WWP1: variants seen among roughly 807,000 people sequenced by gnomAD.
WWP1 encodes the protein WW domain containing E3 ubiquitin protein ligase 1.
In WWP1, 49 loss-of-function variants were observed where a neutral mutation model predicts 130.6. The observed-to-expected ratio is 0.38, with a 90% confidence interval of 0.30 to 0.48. WWP1 has a LOEUF of 0.48. Among genes scored for constraint, WWP1 ranks in the 20% least tolerant of loss-of-function variants. The probability of loss-of-function intolerance (pLI) is 0.99; values close to 1 mark genes in which losing one functional copy is unlikely to be tolerated. For synonymous variants in WWP1, 332 were observed against 367.8 expected, an observed-to-expected ratio of 0.90 and a Z score of 1.11; for missense variants, 809 against 1,100.6, an observed-to-expected ratio of 0.74 and a Z score of 3.75.
chr8:86,432,031 C>T (rs1333496291), intron 14 of WWP1, among the ~76,000 whole-genome samples: 1 of 151,970 alleles, frequency 6.6e-6, no homozygotes, highest in Non-Finnish European at 1.5e-5. Flanking sequence ...ATTATTTTTC[C>T]CTTTACCAAG....
intron 1 of WWP1, among the ~76,000 whole-genome samples, chr8:86,355,114 CA>C (rs1823180510): frequency 6.6e-6 from 1 of 152,160 alleles, no homozygotes; most frequent in Admixed American, 6.5e-5. Context: ...GTGCTCTTCT[CA>C]AACTTAAAAT....
At position 86,435,672 on chromosome 8, in the gene WWP1, C is replaced by T; in HGVS notation, c.1717C>T (p.Arg573Trp). The part of the protein sequence containing the change: ...LPSHVKINVS[R>W]QTLFEDSFQQ... ...TAGTCATGTAAAGATCAATGTGTCC[C>T]GGCAGACATTGTTTGAAGATTCCTT... The change falls in exon 16 of 25, where the codon CGG (arginine) becomes TGG (tryptophan). Residue 573 changes from arginine to tryptophan, a missense_variant. Transcript: ENST00000517970. 1 of 1,612,120 alleles carries T rather than the reference C, an allele frequency of 6.2e-7. No homozygotes were observed. Among genetic ancestry groups the T allele is most frequent in the Non-Finnish European group, 8.5e-7 (1 of 1,179,686 alleles).
chr8:86,392,370 C>G (rs556924089), intron 5 of WWP1, among the ~76,000 whole-genome samples: 2 of 152,042 alleles, frequency 1.3e-5, no homozygotes, highest in Non-Finnish European at 1.5e-5. Context: ...AATTTTGAGG[C>G]GGAGAGAACC....
At chr8:86,433,910 C>T (rs1810137121) in intron 14 of WWP1, among the ~76,000 whole-genome samples, 1 of 151,798 alleles carries the variant, frequency 6.6e-6, no homozygotes, top group Non-Finnish European at 1.5e-5. Flanking sequence ...AAGAGCGAAA[C>T]TCCATCTTAG....
At chr8:86,412,103 G>A (rs1196101641) in intron 9 of WWP1, among the ~76,000 whole-genome samples, 1 of 152,150 alleles carries the variant, frequency 6.6e-6, no homozygotes, top group East Asian at 1.9e-4. Context: ...GAAAAAACCT[G>A]ATGTTAATTA....
chr8:86,352,720 A>T (rs1586237506), intron 1 of WWP1, among the ~76,000 whole-genome samples: 2 of 152,160 alleles, frequency 1.3e-5, no homozygotes, highest in South Asian at 2.1e-4. Flanking sequence ...AGAGAGCTTA[A>T]CATCTGAACC....
rs796400668 is a variant in WWP1 at position 86,402,974 on chromosome 8, G to T, written c.724+771G>T. On this transcript the variant is annotated intron_variant, in intron 8 of 24. Transcript: ENST00000517970. ...CTCTCAGAAAGTTTATTTTCCAAAAGTAAGCATTACTGTATTATAGAAGGA... is the reference window on the plus strand; with the variant it reads ...CTCTCAGAAAGTTTATTTTCCAAAATTAAGCATTACTGTATTATAGAAGGA... 5.9e-5 allele frequency among the ~76,000 whole-genome samples: 9 copies of T among 152,286 alleles called. No homozygotes were observed. The South Asian group carries it at 8.3e-4, about 14-fold the overall frequency.
intron 5 of WWP1, among the ~76,000 whole-genome samples, chr8:86,384,282 G>C (rs1165971448): frequency 6.6e-6 from 1 of 151,950 alleles, no homozygotes; most frequent in African/African-American, 2.4e-5. Flanking sequence ...CCAAACAAAA[G>C]GTAAATAAAT....
chr8:86,387,436 C>A (rs1008699080), intron 5 of WWP1, among the ~76,000 whole-genome samples: 9 of 151,998 alleles, frequency 5.9e-5, no homozygotes, highest in African/African-American at 1.9e-4. Context: ...AAAATATATT[C>A]TTTTATAATC....
intron 1 of WWP1, among the ~76,000 whole-genome samples, chr8:86,350,414 T>G (rs1423139988): frequency 6.6e-6 from 1 of 152,158 alleles, no homozygotes; most frequent in Non-Finnish European, 1.5e-5. Flanking sequence ...AGGTTATTAG[T>G]GCATAGCTGC....
At chr8:86,452,817 G>A (rs913107359) in intron 21 of WWP1, 138 bp downstream of exon 21, 3 of 1,113,780 alleles carry the variant, frequency 2.7e-6, no homozygotes, top group Non-Finnish European at 2.6e-6. Flanking sequence ...CTGATGTCAA[G>A]GTGGTATTTA....
At chr8:86,407,621 C>G (rs1418308215) in intron 8 of WWP1, among the ~76,000 whole-genome samples, 1 of 152,174 alleles carries the variant, frequency 6.6e-6, no homozygotes, top group Non-Finnish European at 1.5e-5. Flanking sequence ...GTAATCTCTC[C>G]AGTCAAATAT....
chr8:86,365,787 C>G (rs572281464), intron 1 of WWP1, among the ~76,000 whole-genome samples: 4 of 152,074 alleles, frequency 2.6e-5, no homozygotes, highest in Non-Finnish European at 5.9e-5. Context: ...AATAGTGAGA[C>G]CCTGTCTCTA....
chr8:86,377,361 G>T (rs1049841902), intron 3 of WWP1, among the ~76,000 whole-genome samples: 1 of 151,740 alleles, frequency 6.6e-6, no homozygotes, highest in East Asian at 1.9e-4. Flanking sequence ...GCCTCCCAGA[G>T]TGCTGGGATT....
At chr8:86,371,447 C>T (rs1303036169) in intron 2 of WWP1, among the ~76,000 whole-genome samples, 3 of 152,142 alleles carry the variant, frequency 2.0e-5, no homozygotes, top group Admixed American at 1.3e-4. Context: ...CATCTGAAAA[C>T]GCCTACCAGC....
At chr8:86,422,547 A>G (rs1173836940) in intron 9 of WWP1, among the ~76,000 whole-genome samples, 1 of 148,032 alleles carries the variant, frequency 6.8e-6, no homozygotes, top group Non-Finnish European at 1.5e-5. Context: ...TTTCTTTGGG[A>G]TTTTTAGTAG....
chr8:86,436,776 A>G (rs1283774983), intron 16 of WWP1, among the ~76,000 whole-genome samples: 2 of 152,106 alleles, frequency 1.3e-5, no homozygotes, highest in African/African-American at 4.8e-5. Flanking sequence ...TTCCCCCCCT[A>G]GTATTATAAT....
At chr8:86,422,539 T>TC (rs1809288577) in intron 9 of WWP1, among the ~76,000 whole-genome samples, 3 of 151,504 alleles carry the variant, frequency 2.0e-5, no homozygotes, top group South Asian at 4.2e-4. Context: ...TTTTTTTTTT[T>TC]CTTTGGGATT....
At chr8:86,389,864 C>G (rs1160265358) in intron 5 of WWP1, among the ~76,000 whole-genome samples, 1 of 151,942 alleles carries the variant, frequency 6.6e-6, no homozygotes, top group African/African-American at 2.4e-5. Context: ...GATGGGGCGG[C>G]TGGCCGGGCG....
Sources: allele counts gnomAD v4.1 joint callset (sites outside exome capture counted in the v4.1 genomes callset), GRCh38; gene constraint gnomAD v4.1.1; transcripts MANE v1.5; gene names NCBI Gene and HGNC (gene_info 2026-07-23, HGNC 2026-07-21).